The following RNF166 variants were observed in gnomAD, a reference collection of about 807,000 sequenced individuals.
The protein encoded by RNF166 is ring finger protein 166.
RNF166 carries 19 observed loss-of-function variants against 29.4 expected under a neutral mutation model. That is an observed-to-expected ratio of 0.65 (90% CI 0.45 to 0.95). The LOEUF is 0.95. Ranked by LOEUF, RNF166 falls within the 40% of genes least tolerant of loss-of-function variation. The pLI, the probability that RNF166 is intolerant of heterozygous loss-of-function variation, is 0.00. For synonymous variants in RNF166, 171 were observed against 134.5 expected (o/e 1.27, Z -1.88); for missense variants, 347 against 322.1 (o/e 1.08, Z -0.59).
At position 88,698,932 on chromosome 16, in the gene RNF166, C is replaced by T. The variant is rs779935611; in HGVS notation, c.540+39G>A. The T allele has an allele frequency of 6.2e-6, 9 of 1,454,964 alleles. No individual in the cohort carries two copies. The South Asian group carries it at 8.5e-5, about 14-fold the overall frequency. 90.1% of individuals were successfully genotyped at this position (1,454,964 alleles called of 1,614,324 possible). ...GCCTTGTACTGTCCCCCACAGGCCT[C>T]CCCTGGCGCAGGCGTCGCTTGGGGC... On this transcript the variant is annotated intron_variant, in intron 4 of 5. Coordinates refer to ENST00000312838, the MANE Select transcript of RNF166 (RefSeq NM_178841.4).
rs1335363951 is a variant in RNF166 at position 88,698,626 on chromosome 16, G to T, written c.541-17C>A. On this transcript the variant is annotated splice_polypyrimidine_tract_variant and intron_variant, in intron 4 of 5. Coordinates refer to ENST00000312838, the MANE Select transcript of RNF166 (RefSeq NM_178841.4). ...GGGGCACACCTGGAACAGGCACTGG[G>T]GTCAAGCCGAGCCGGACCGCGGAGA... 4 of 1,496,438 alleles carry T rather than the reference G, an allele frequency of 2.7e-6. No individual in the cohort carries two copies. In the African/African-American group the frequency reaches 4.2e-5, roughly 16 times the overall value. 92.7% of individuals were successfully genotyped at this position (1,496,438 alleles called of 1,614,324 possible).
At chr16:88,701,206 G>A (rs1043188224) in intron 2 of RNF166, 56 bp downstream of exon 2, 25 of 1,603,972 alleles carry the variant, frequency 1.6e-5, no homozygotes, top group Non-Finnish European at 2.1e-5. Flanking sequence ...GAACCCGTGG[G>A]CTGAGGCTGC....
Position 88,697,425 on chromosome 16 carries a change from C to G in RNF166, c.*143G>C. On this transcript the variant is annotated 3_prime_UTR_variant, in exon 6 of 6. Transcript: ENST00000312838. ...TGGCCCGTATTCAGGCCCGGAGGCT[C>G]GGCCCCGGCTCCCCTTCTGCGCGGG... 1.6e-6 allele frequency: 1 copy of G among 617,412 alleles called. No individual in the cohort carries two copies. Among genetic ancestry groups the G allele is most frequent in the South Asian group, 2.1e-5 (1 of 48,012 alleles). 38.2% of individuals were successfully genotyped at this position (617,412 alleles called of 1,614,324 possible).
intron 3 of RNF166, 66 bp downstream of exon 3, chr16:88,699,552 TGC>T: frequency 7.7e-7 from 1 of 1,292,176 alleles, no homozygotes; most frequent in South Asian, 1.3e-5. Context: ...GATGGGGCAC[TGC>T]GCTTGCTCCC....
chr16:88,702,807 A>G, intron 1 of RNF166: 1 of 985,458 alleles, frequency 1.0e-6, no homozygotes, highest in Non-Finnish European at 1.2e-6. Flanking sequence ...CCCAGCAGAT[A>G]TTTCCAGGGT....
chr16:88,698,431 G>C (rs1909850957), intron 5 of RNF166, 71 bp downstream of exon 5: 3 of 1,244,976 alleles, frequency 2.4e-6, no homozygotes, highest in Non-Finnish European at 2.3e-6. Context: ...CCTGAGGCTG[G>C]CGAGGGGCCC....
intron 2 of RNF166, chr16:88,699,948 G>C (rs1203730515): frequency 2.2e-6 from 1 of 444,954 alleles, no homozygotes; most frequent in Admixed American, 4.0e-5. Context: ...AGGACAATCT[G>C]GCCGAGGGCA....
Position 88,702,364 on chromosome 16 carries a change from G to A in RNF166, c.156-946C>T, listed in dbSNP as rs182820947. On this transcript the variant is annotated intron_variant, in intron 1 of 5. Coordinates refer to ENST00000312838, the MANE Select transcript of RNF166 (RefSeq NM_178841.4). Reference sequence around the variant, plus strand: ...GCCCCCCAGTCCCAGGAAGGCTACAGCACCCGGGGGTGTAGCTTCCCTTCT... The same window carrying A: ...GCCCCCCAGTCCCAGGAAGGCTACAACACCCGGGGGTGTAGCTTCCCTTCT... 3.3e-5 allele frequency among the ~76,000 whole-genome samples: 5 copies of A among 152,328 alleles called. No individual in the cohort carries two copies. In the East Asian group the frequency reaches 9.6e-4, roughly 29 times the overall value.
chr16:88,702,677 A>C, intron 1 of RNF166: 6 of 984,978 alleles, frequency 6.1e-6, no homozygotes, highest in Non-Finnish European at 7.2e-6. Context: ...TCCCACATGA[A>C]ACTTCGTGTG....
intron 1 of RNF166, among the ~76,000 whole-genome samples, chr16:88,702,287 G>A (rs1312973473): frequency 6.6e-6 from 1 of 152,238 alleles, no homozygotes; most frequent in Non-Finnish European, 1.5e-5. Context: ...GGCCTTGTGA[G>A]GAGCACTGTG....
chr16:88,706,370 G>A lies in RNF166; in HGVS notation c.-45C>T, dbSNP rs1157736153. On this transcript the variant is annotated 5_prime_UTR_variant, in exon 1 of 6. Coordinates refer to ENST00000312838, the MANE Select transcript of RNF166 (RefSeq NM_178841.4). ...CGCCCGCCGCCCGCTGTCCTGGCCC[G>A]GGCCGGCCCGCTAGTCACAGCCGCT... The A allele has an allele frequency of 1.2e-5, 15 of 1,216,650 alleles. No individual in the cohort carries two copies. The African/African-American group carries it at 1.6e-4, about 13-fold the overall frequency. The allele number at this position is 1,216,650 out of a possible 1,614,324, so 75.4% of individuals were successfully genotyped here.
At chr16:88,698,875 CA>C (rs1909911848) in intron 4 of RNF166, 95 bp downstream of exon 4, 5 of 990,346 alleles carry the variant, frequency 5.0e-6, no homozygotes, top group Non-Finnish European at 6.1e-6. Context: ...GTGGCCTGGG[CA>C]CCCCCGGACT....
intron 1 of RNF166, chr16:88,703,081 C>T: frequency 1.0e-6 from 1 of 985,554 alleles, no homozygotes; most frequent in Non-Finnish European, 1.2e-6. Flanking sequence ...GCCTGGAAAA[C>T]AGTGCAGGGC....
At chr16:88,700,144 G>A (rs7185382) in intron 2 of RNF166, 10,753 of 160,482 alleles carry the variant, frequency 0.067, 543 homozygotes, top group African/African-American at 0.14. Flanking sequence ...GAGGCAGGGC[G>A]CCATCCTCCA....
At position 88,701,449 on chromosome 16, in the gene RNF166, C is replaced by T. The variant is rs375633943; in HGVS notation, c.156-31G>A. On this transcript the variant is annotated intron_variant, in intron 1 of 5. Transcript: ENST00000312838. Reference sequence around the variant, plus strand: ...GGGCACAGGGGCCTGAGTGCCAGCCCGCCCCTCGGGTCTCCCGAACCGCAG... The same window carrying T: ...GGGCACAGGGGCCTGAGTGCCAGCCTGCCCCTCGGGTCTCCCGAACCGCAG... The T allele has an allele frequency of 1.8e-3, 2,720 of 1,527,866 alleles. 3 individuals are homozygous for T. The highest frequency in any genetic ancestry group is 2.4e-3 in the Admixed American group (117 of 49,662). The allele number at this position is 1,527,866 out of a possible 1,614,324, so 94.6% of individuals were successfully genotyped here. A position where few individuals can be genotyped will look rare whatever the true frequency, so the allele number is the denominator to read the frequency against.
chr16:88,698,308 C>G, intron 5 of RNF166, 194 bp downstream of exon 5: 1 of 706,456 alleles, frequency 1.4e-6, no homozygotes, highest in Non-Finnish European at 2.6e-6. Flanking sequence ...CTAGTGGCCA[C>G]TCAAACTCAG....
At chr16:88,701,718 C>T (rs1248899518) in intron 1 of RNF166, 2 of 342,896 alleles carry the variant, frequency 5.8e-6, no homozygotes, top group African/African-American at 4.2e-5. Flanking sequence ...CTCCCATAGG[C>T]AGGAGGCCCC....
chr16:88,706,108 T>A, intron 1 of RNF166, 63 bp downstream of exon 1: 1 of 1,058,030 alleles, frequency 9.5e-7, no homozygotes, highest in Non-Finnish European at 1.1e-6. Context: ...GCCGCCGGCC[T>A]CGCGACCCCT....
intron 2 of RNF166, 185 bp from the exon 3 acceptor site, chr16:88,699,917 T>C (rs1453031779): frequency 9.8e-6 from 5 of 508,822 alleles, no homozygotes; most frequent in Admixed American, 3.5e-5. Flanking sequence ...CACTACTCCA[T>C]GGCCAAAAGC....
Sources: gnomAD v4.1 joint callset for allele counts (sites outside exome capture counted in the v4.1 genomes callset) on GRCh38, gnomAD v4.1.1 for gene constraint, MANE v1.5 for transcripts, NCBI Gene and HGNC (gene_info 2026-07-23, HGNC 2026-07-21) for gene names.